VTI1A: variants seen among roughly 807,000 people sequenced by gnomAD.
VTI1A encodes vesicle transport through interaction with t-SNAREs homolog 1A.
VTI1A carries 22 observed loss-of-function variants against 34.9 expected under a neutral mutation model. The ratio of observed to expected loss-of-function variants is 0.63; its 90% CI spans 0.45 to 0.90. The LOEUF (loss-of-function observed/expected upper bound fraction) is 0.90. Ranked by LOEUF, VTI1A falls within the 40% of genes least tolerant of loss-of-function variation. The pLI, the probability that VTI1A is intolerant of heterozygous loss-of-function variation, is 0.00. For missense variants in VTI1A, 268 were observed against 275.6 expected (o/e 0.97, Z 0.20); for synonymous variants, 87 against 97.3 (o/e 0.89, Z 0.62).
the VTI1A span, among the ~76,000 whole-genome samples, chr10:112,849,758 G>T: frequency 2.0e-5 from 3 of 152,200 alleles, no homozygotes; most frequent in African/African-American, 4.8e-5. Context: ...CCCATCTGCT[G>T]CTCCAGTCTG....
At chr10:112,700,137 A>C (rs1848955665) in intron 7 of VTI1A, among the ~76,000 whole-genome samples, 1 of 136,548 alleles carries the variant, frequency 7.3e-6, no homozygotes, top group South Asian at 2.1e-4. Flanking sequence ...AAAAAAAAAC[A>C]AAACAAAAAA....
At chr10:112,687,178 A>G (rs909597705) in intron 7 of VTI1A, among the ~76,000 whole-genome samples, 1 of 151,576 alleles carries the variant, frequency 6.6e-6, no homozygotes, top group African/African-American at 2.4e-5. Context: ...GATGAAATCA[A>G]ACTTCACCAC....
chr10:112,713,445 G>C (rs992602244), intron 7 of VTI1A, among the ~76,000 whole-genome samples: 2 of 151,924 alleles, frequency 1.3e-5, no homozygotes, highest in African/African-American at 2.4e-5. Context: ...TTAACTGTCA[G>C]AGAAAACCTA....
intron 5 of VTI1A, 26 bp downstream of exon 5, chr10:112,538,356 T>TA: frequency 6.2e-7 from 1 of 1,603,500 alleles, no homozygotes; most frequent in Non-Finnish European, 8.5e-7. Context: ...GTGAGCAAAT[T>TA]GTCTTGCTTA....
At chr10:112,510,572 G>T (rs1849570738) in intron 3 of VTI1A, among the ~76,000 whole-genome samples, 1 of 152,128 alleles carries the variant, frequency 6.6e-6, no homozygotes, top group Non-Finnish European at 1.5e-5. Context: ...GAAGGTTGTG[G>T]CTTCGGTGAG....
At chr10:112,785,168 C>T (rs922124886) in intron 7 of VTI1A, among the ~76,000 whole-genome samples, 5 of 152,190 alleles carry the variant, frequency 3.3e-5, no homozygotes, top group Non-Finnish European at 7.3e-5. Context: ...AGCAGGACCC[C>T]AGAATGGTGG....
intron 5 of VTI1A, among the ~76,000 whole-genome samples, chr10:112,552,784 A>G (rs1337125991): frequency 6.6e-6 from 1 of 152,186 alleles, no homozygotes; most frequent in South Asian, 2.1e-4. Context: ...GGCTTCCTGT[A>G]GAATGCACAC....
chr10:112,626,436 C>G (rs1845925009), intron 5 of VTI1A, among the ~76,000 whole-genome samples: 1 of 151,938 alleles, frequency 6.6e-6, no homozygotes, highest in Non-Finnish European at 1.5e-5. Context: ...CATAAAGTTA[C>G]AGTATATTTA....
At chr10:112,725,326 A>G (rs181559449) in intron 7 of VTI1A, among the ~76,000 whole-genome samples, 34 of 152,308 alleles carry the variant, frequency 2.2e-4, no homozygotes, top group African/African-American at 7.7e-4. Flanking sequence ...TTGCATCTCC[A>G]TGGTGCCATT....
intron 5 of VTI1A, among the ~76,000 whole-genome samples, chr10:112,623,521 TG>T (rs1845809835): frequency 6.6e-6 from 1 of 151,748 alleles, no homozygotes; most frequent in African/African-American, 2.4e-5. Flanking sequence ...CTCAGCCTGC[TG>T]GCTGAGAACT....
the VTI1A span, among the ~76,000 whole-genome samples, chr10:112,841,738 G>T: frequency 6.6e-6 from 1 of 152,220 alleles, no homozygotes; most frequent in Non-Finnish European, 1.5e-5. Flanking sequence ...CTATGGTGGG[G>T]GCAGTGGGAG....
chr10:112,753,855 C>G (rs2133996275), intron 7 of VTI1A, among the ~76,000 whole-genome samples: 1 of 152,076 alleles, frequency 6.6e-6, no homozygotes, highest in East Asian at 1.9e-4. Flanking sequence ...GAAAGAAAAC[C>G]CTTTTGGAAA....
chr10:112,749,795 G>A (rs1354983861), intron 7 of VTI1A, among the ~76,000 whole-genome samples: 2 of 152,114 alleles, frequency 1.3e-5, no homozygotes, highest in African/African-American at 2.4e-5. Flanking sequence ...CTGACAAGAG[G>A]CCATATACCC....
At chr10:112,854,248 G>A in the VTI1A span, among the ~76,000 whole-genome samples, 2 of 152,220 alleles carry the variant, frequency 1.3e-5, no homozygotes, top group Non-Finnish European at 2.9e-5. Flanking sequence ...AGTACTAGCA[G>A]TATCACTGCT....
At chr10:112,703,614 T>G (rs780296956) in intron 7 of VTI1A, among the ~76,000 whole-genome samples, 8 of 152,188 alleles carry the variant, frequency 5.3e-5, no homozygotes, top group Non-Finnish European at 1.2e-4. Context: ...TATATATAAT[T>G]AATCTACAGT....
intron 5 of VTI1A, among the ~76,000 whole-genome samples, chr10:112,616,277 G>A (rs1443569212): frequency 6.6e-6 from 1 of 152,110 alleles, no homozygotes; most frequent in Non-Finnish European, 1.5e-5. Context: ...AGGAGTACAT[G>A]CACATTTGCA....
At chr10:112,686,540 C>T (rs1287421898) in intron 7 of VTI1A, among the ~76,000 whole-genome samples, 1 of 152,146 alleles carries the variant, frequency 6.6e-6, no homozygotes, top group African/African-American at 2.4e-5. Context: ...TGATGATTTA[C>T]TGACACAAGG....
chr10:112,750,991 T>G, intron 7 of VTI1A, among the ~76,000 whole-genome samples: 1 of 152,210 alleles, frequency 6.6e-6, no homozygotes, highest in East Asian at 1.9e-4. Context: ...AAAGTTCCCC[T>G]GTTGGTTTTC....
At chr10:112,524,500 A>G (rs901238129) in intron 3 of VTI1A, among the ~76,000 whole-genome samples, 10 of 152,102 alleles carry the variant, frequency 6.6e-5, no homozygotes, top group African/African-American at 1.2e-4. Flanking sequence ...TACCATCCCA[A>G]TGGTGAAGAA....
Sources: gnomAD v4.1 joint callset for allele counts (sites outside exome capture counted in the v4.1 genomes callset) on GRCh38, gnomAD v4.1.1 for gene constraint, MANE v1.5 for transcripts, NCBI Gene and HGNC (gene_info 2026-07-23, HGNC 2026-07-21) for gene names.